EPHA5: variants seen among roughly 807,000 people sequenced by gnomAD.
The protein encoded by EPHA5 is ephrin type-A receptor 5.
In EPHA5, 60 loss-of-function variants were observed where a neutral mutation model predicts 105.0. The ratio of observed to expected loss-of-function variants is 0.57; its 90% confidence interval spans 0.46 to 0.71. EPHA5 has a LOEUF of 0.71. Ranked by LOEUF, EPHA5 falls within the 30% of genes least tolerant of loss-of-function variation. EPHA5 has a pLI of 0.00. For missense variants in EPHA5, 1,218 were observed against 1,274.7 expected (o/e 0.96, Z 0.68); for synonymous variants, 513 against 449.1 (o/e 1.14, Z -1.80).
intron 3 of EPHA5, among the ~76,000 whole-genome samples, chr4:65,516,482 T>A (rs1734114596): frequency 6.6e-6 from 1 of 151,994 alleles, no homozygotes; most frequent in Non-Finnish European, 1.5e-5. Context: ...GCAGAGGCAG[T>A]AGAAGCTCCA....
intron 16 of EPHA5, among the ~76,000 whole-genome samples, chr4:65,326,292 C>A (rs1720075188): frequency 6.6e-6 from 1 of 151,088 alleles, no homozygotes; most frequent in Non-Finnish European, 1.5e-5. Context: ...GGGCTAATAT[C>A]AGGTACCTGA....
At chr4:65,431,709 G>A (rs1724995341) in intron 5 of EPHA5, among the ~76,000 whole-genome samples, 1 of 152,034 alleles carries the variant, frequency 6.6e-6, no homozygotes, top group African/African-American at 2.4e-5. Flanking sequence ...ATACAGCTGG[G>A]AATATTAAAA....
intron 2 of EPHA5, among the ~76,000 whole-genome samples, chr4:65,603,512 T>A (rs1019596630): frequency 2.0e-5 from 3 of 152,122 alleles, no homozygotes; most frequent in Admixed American, 1.3e-4. Flanking sequence ...TCTTTAGACA[T>A]GAAATTAAAT....
At chr4:65,467,799 G>T (rs1306478431) in intron 5 of EPHA5, among the ~76,000 whole-genome samples, 1 of 152,156 alleles carries the variant, frequency 6.6e-6, no homozygotes, top group Non-Finnish European at 1.5e-5. Flanking sequence ...AAATTACCCT[G>T]AATTATCTGG....
chr4:65,529,067 G>A (rs1002277478), intron 3 of EPHA5, among the ~76,000 whole-genome samples: 5 of 152,030 alleles, frequency 3.3e-5, no homozygotes, highest in South Asian at 4.1e-4. Flanking sequence ...ACATCTCACA[G>A]TTTCAAAAAT....
Position 65,606,454 on chromosome 4 carries a change from G to A in EPHA5, c.247-4150C>T, listed in dbSNP as rs145685950. ...AAATACATTTTCTTCTCTGTAAATCGTCAGAATTTTATAAGAGCAAATTAG... is the reference window on the plus strand; with the variant it reads ...AAATACATTTTCTTCTCTGTAAATCATCAGAATTTTATAAGAGCAAATTAG... On this transcript the variant is annotated intron_variant, in intron 2 of 16. Transcript: ENST00000613740. Among the ~76,000 whole-genome samples the A allele has an allele frequency of 9.5e-4, 145 of 152,030 alleles. 2 individuals carry two copies. In the East Asian group the frequency reaches 0.024, roughly 26 times the overall value.
At chr4:65,555,012 A>G (rs988403616) in intron 3 of EPHA5, among the ~76,000 whole-genome samples, 1 of 107,248 alleles carries the variant, frequency 9.3e-6, no homozygotes, top group Non-Finnish European at 2.0e-5. Context: ...AAAAAAAAAA[A>G]GTACATGTTT....
intron 3 of EPHA5, among the ~76,000 whole-genome samples, chr4:65,518,065 T>A (rs1734280442): frequency 6.6e-6 from 1 of 151,956 alleles, no homozygotes; most frequent in African/African-American, 2.4e-5. Context: ...CAAATCAGAC[T>A]AGAGAACACA....
intron 5 of EPHA5, among the ~76,000 whole-genome samples, chr4:65,464,700 CAA>C (rs1179521725): frequency 1.3e-5 from 2 of 151,958 alleles, no homozygotes; most frequent in Admixed American, 6.5e-5. Context: ...ATCTGGAAAA[CAA>C]AGTTGCTTTA....
intron 5 of EPHA5, among the ~76,000 whole-genome samples, chr4:65,464,907 T>G (rs993084347): frequency 1.5e-4 from 23 of 152,102 alleles, no homozygotes; most frequent in Admixed American, 2.6e-4. Context: ...TATTATATGT[T>G]AAAACAGTAC....
At chr4:65,568,023 A>C (rs4860688) in intron 3 of EPHA5, among the ~76,000 whole-genome samples, 54,948 of 150,852 alleles carry the variant, frequency 0.36, 10,377 homozygotes, top group East Asian at 0.51. Flanking sequence ...GAATAATAGA[A>C]ATTGAAAAAG....
At chr4:65,532,059 A>G (rs1735856857) in intron 3 of EPHA5, among the ~76,000 whole-genome samples, 1 of 152,178 alleles carries the variant, frequency 6.6e-6, no homozygotes, top group African/African-American at 2.4e-5. Flanking sequence ...TTATTGTGCC[A>G]TAATTAAGTA....
At chr4:65,393,955 A>C (rs1315759388) in intron 8 of EPHA5, among the ~76,000 whole-genome samples, 3 of 152,214 alleles carry the variant, frequency 2.0e-5, no homozygotes, top group Non-Finnish European at 4.4e-5. Flanking sequence ...AGATGAGTAC[A>C]TATCTACTGG....
intron 2 of EPHA5, among the ~76,000 whole-genome samples, chr4:65,619,757 A>G (rs560385097): frequency 6.6e-6 from 1 of 152,088 alleles, no homozygotes; most frequent in Admixed American, 6.6e-5. Context: ...TGTGCACAGA[A>G]TTTCCATTCA....
intron 2 of EPHA5, among the ~76,000 whole-genome samples, chr4:65,605,586 T>C (rs1050782348): frequency 1.3e-5 from 2 of 152,186 alleles, no homozygotes; most frequent in African/African-American, 4.8e-5. Flanking sequence ...TTTTAACCTT[T>C]CAAGTTATTA....
intron 5 of EPHA5, among the ~76,000 whole-genome samples, chr4:65,444,493 G>A (rs2149093085): frequency 6.6e-6 from 1 of 152,156 alleles, no homozygotes; most frequent in East Asian, 1.9e-4. Context: ...ATTTTTATAG[G>A]AGCTATCTTG....
At chr4:65,501,616 A>G (rs1229612103) in intron 3 of EPHA5, among the ~76,000 whole-genome samples, 1 of 151,836 alleles carries the variant, frequency 6.6e-6, no homozygotes, top group Non-Finnish European at 1.5e-5. Flanking sequence ...GACACAAACA[A>G]ATGGAAAAAC....
intron 2 of EPHA5, among the ~76,000 whole-genome samples, chr4:65,638,535 C>T (rs1433047133): frequency 1.3e-5 from 2 of 151,948 alleles, no homozygotes; most frequent in Non-Finnish European, 2.9e-5. Flanking sequence ...GTCGGGAGTT[C>T]GAGACCAGCC....
intron 11 of EPHA5, among the ~76,000 whole-genome samples, chr4:65,359,677 C>A (rs1242762072): frequency 6.6e-6 from 1 of 151,506 alleles, no homozygotes; most frequent in Non-Finnish European, 1.5e-5. Flanking sequence ...TCTACAAAAT[C>A]CAACCACTAC....
Sources: allele counts gnomAD v4.1 joint callset (sites outside exome capture counted in the v4.1 genomes callset), GRCh38; gene constraint gnomAD v4.1.1; transcripts MANE v1.5; gene names NCBI Gene and HGNC (gene_info 2026-07-23, HGNC 2026-07-21).